CATSPERD: variants seen among roughly 807,000 people sequenced by gnomAD.
CATSPERD encodes the protein cation channel sperm-associated auxiliary subunit delta.
In CATSPERD, 86 loss-of-function variants were observed where a neutral mutation model predicts 98.1. That is an observed-to-expected ratio of 0.88 (90% CI 0.74 to 1.05). The LOEUF (loss-of-function observed/expected upper bound fraction) is 1.05. CATSPERD is among the 50% of genes least tolerant of loss of function. The probability of loss-of-function intolerance (pLI) is 0.00; values close to 1 mark genes in which losing one functional copy is unlikely to be tolerated. For missense variants in CATSPERD, 995 were observed against 1,005.7 expected, an observed-to-expected ratio of 0.99 and a Z score of 0.14; for synonymous variants, 394 against 390.2, an observed-to-expected ratio of 1.01 and a Z score of -0.12.
chr19:5,734,958 C>T (rs1429023617), intron 5 of CATSPERD, among the ~76,000 whole-genome samples: 3 of 151,762 alleles, frequency 2.0e-5, no homozygotes, highest in South Asian at 2.1e-4. Flanking sequence ...GGCTAGGGGA[C>T]GGTAGAGAAG....
In CATSPERD at chr19:5,754,248, A is replaced by T; in HGVS notation, c.1278+3A>T. ...CAGGCACATCCCTGATTCCTCTGGTAAGTACATCTTAATGTTTCTGCTATC... is the reference window on the plus strand; with the variant it reads ...CAGGCACATCCCTGATTCCTCTGGTTAGTACATCTTAATGTTTCTGCTATC... On this transcript the variant is annotated splice_donor_region_variant and intron_variant, in intron 13 of 21. Coordinates refer to ENST00000381624, the MANE Select transcript of CATSPERD (RefSeq NM_152784.4). 1 of 1,601,108 alleles carries T rather than the reference A, an allele frequency of 6.2e-7. No individual in the cohort carries two copies. The highest frequency in any genetic ancestry group is 8.6e-7 in the Non-Finnish European group (1 of 1,168,380).
intron 7 of CATSPERD, 30 bp from the exon 8 acceptor site, chr19:5,744,397 C>T: frequency 6.4e-7 from 1 of 1,551,082 alleles, no homozygotes; most frequent in Non-Finnish European, 8.9e-7. Context: ...AAGATTTATT[C>T]ATCTGAAGTC....
rs1323016391 is a variant in CATSPERD, at chr19:5,778,569, A to G, written c.2290A>G (p.Arg764Gly). Residue 764 changes from arginine (R) to glycine (G), a missense_variant, in exon 22 of 22, where the codon AGG becomes GGG. Around this residue, in one of 3 missense-constraint regions of CATSPERD, gnomAD observed 762 missense variants for 773.7 expected, o/e 0.98. Coordinates refer to ENST00000381624, the MANE Select transcript of CATSPERD (RefSeq NM_152784.4). Reference protein sequence around the residue: ...RIKKCATQLCRRCKTVCQFRA... With the variant: ...RIKKCATQLCGRCKTVCQFRA... ...CAAGAAGTGTGCGACACAGCTGTGT[A>G]GGAGATGCAAGACGGTCTGCCAGTT... 3 of 1,613,858 alleles carry G rather than the reference A, an allele frequency of 1.9e-6. No homozygotes were observed. The Admixed American group carries it at 5.0e-5, about 27-fold the overall frequency.
chr19:5,744,623 C>G (rs1176396120), intron 8 of CATSPERD, 113 bp downstream of exon 8: 2 of 628,118 alleles, frequency 3.2e-6, no homozygotes, highest in Non-Finnish European at 2.5e-6. Context: ...TTTTTTTAGA[C>G]AGAGTCTCGC....
intron 11 of CATSPERD, among the ~76,000 whole-genome samples, chr19:5,749,512 C>G (rs1204245967): frequency 6.6e-6 from 1 of 152,142 alleles, no homozygotes; most frequent in Non-Finnish European, 1.5e-5. Flanking sequence ...TGTTCACAAA[C>G]TTCTGAACCT....
intron 2 of CATSPERD, among the ~76,000 whole-genome samples, chr19:5,725,573 T>C (rs2055588594): frequency 6.6e-6 from 1 of 152,156 alleles, no homozygotes; most frequent in Non-Finnish European, 1.5e-5. Flanking sequence ...AGAAAAAATA[T>C]TCTGTCAGTT....
At chr19:5,728,358 A>G (rs953045013) in intron 3 of CATSPERD, among the ~76,000 whole-genome samples, 1 of 57,032 alleles carries the variant, frequency 1.8e-5, no homozygotes, top group Non-Finnish European at 4.3e-5. Flanking sequence ...CTCTGTCTCA[A>G]AAAAAAAAAA....
In CATSPERD at chr19:5,754,307, C is replaced by T. The variant is rs972826828; in HGVS notation, c.1278+62C>T. On this transcript the variant is annotated intron_variant, in intron 13 of 21. Transcript: ENST00000381624. Reference sequence around the variant, plus strand: ...TCAGCCACATGCCTGGTGCCCACTCCCAGATTCTGGAAATCCCCTGGCATC... The same window carrying T: ...TCAGCCACATGCCTGGTGCCCACTCTCAGATTCTGGAAATCCCCTGGCATC... 2.5e-6 allele frequency: 3 copies of T among 1,198,080 alleles called. 1 individual carries two copies. In the South Asian group the frequency reaches 3.7e-5, roughly 15 times the overall value. The allele number at this position is 1,198,080 out of a possible 1,614,324, so 74.2% of individuals were successfully genotyped here.
rs1031098233 is a variant in CATSPERD at position 5,750,100 on chromosome 19, G to A, written c.987+917G>A. Reference sequence around the variant, plus strand: ...ATTACAGTCGTGAGCCACCGCGCCCGGCCGAAACTCTGTTTCTTAAAAATA... The same window carrying A: ...ATTACAGTCGTGAGCCACCGCGCCCAGCCGAAACTCTGTTTCTTAAAAATA... On this transcript the variant is annotated intron_variant, in intron 11 of 21. Coordinates refer to ENST00000381624, the MANE Select transcript of CATSPERD (RefSeq NM_152784.4). 1.5e-4 allele frequency among the ~76,000 whole-genome samples: 21 copies of A among 143,698 alleles called. 1 individual carries two copies. Among genetic ancestry groups the A allele is most frequent in the Admixed American group, 1.3e-3 (19 of 14,508 alleles). 94.3% of individuals were successfully genotyped at this position (143,698 alleles called of 152,430 possible). A position where few individuals can be genotyped will look rare whatever the true frequency, so the allele number is the denominator to read the frequency against.
At chr19:5,737,086 C>A in intron 5 of CATSPERD, 52 bp from the exon 6 acceptor site, 1 of 1,291,294 alleles carries the variant, frequency 7.7e-7, no homozygotes, top group Non-Finnish European at 1.1e-6. Context: ...AAAAACTTTT[C>A]TCCAAACTTC....
chr19:5,767,012 A>T (rs1222656487), intron 17 of CATSPERD, among the ~76,000 whole-genome samples: 1 of 151,480 alleles, frequency 6.6e-6, no homozygotes, highest in South Asian at 2.1e-4. Flanking sequence ...TTTTAAAATA[A>T]ATTTTTTAAA....
intron 21 of CATSPERD, 40 bp downstream of exon 21, chr19:5,776,355 G>C: frequency 3.1e-6 from 5 of 1,604,978 alleles, no homozygotes; most frequent in Non-Finnish European, 3.4e-6. Context: ...GGGACGCCTG[G>C]TGCCCCTGGG....
chr19:5,763,060 G>A (rs1390278062), intron 15 of CATSPERD, among the ~76,000 whole-genome samples, 155 bp from the exon 16 acceptor site: 2 of 151,818 alleles, frequency 1.3e-5, no homozygotes, highest in Non-Finnish European at 2.9e-5. Context: ...ATGGATGAAT[G>A]GATGGATGGG....
At chr19:5,723,186 CAAA>C (rs56121351) in intron 1 of CATSPERD, among the ~76,000 whole-genome samples, 2 of 121,394 alleles carry the variant, frequency 1.6e-5, no homozygotes, top group African/African-American at 3.2e-5. Flanking sequence ...GATTCTGTCT[CAAA>C]AAAAAAAAAA....
At chr19:5,727,906 G>A (rs1461228568) in intron 3 of CATSPERD, among the ~76,000 whole-genome samples, 1 of 151,812 alleles carries the variant, frequency 6.6e-6, no homozygotes, top group Non-Finnish European at 1.5e-5. Context: ...AAAGGGGACT[G>A]GAGGCCAGGT....
chr19:5,772,924 A>G lies in CATSPERD; in HGVS notation c.1900A>G (p.Met634Val). ...CTSQPQNWTT[M>V]IKEFGGPFFW... ...CTCCCAGCCGCAGAACTGGACCACCATGATAAAGGAATTCGGGGGGCCCTT... is the reference window on the plus strand; with the variant it reads ...CTCCCAGCCGCAGAACTGGACCACCGTGATAAAGGAATTCGGGGGGCCCTT... Residue 634 changes from methionine (M) to valine (V), a missense_variant, in exon 20 of 22, where the codon ATG becomes GTG. Transcript: ENST00000381624. The G allele has an allele frequency of 4.3e-6, 7 of 1,614,100 alleles. No individual in the cohort carries two copies. The highest frequency in any genetic ancestry group is 1.6e-4 in the Middle Eastern group (1 of 6,062).
At chr19:5,727,469 A>AG in intron 3 of CATSPERD, 125 bp downstream of exon 3, 2 of 702,912 alleles carry the variant, frequency 2.8e-6, no homozygotes, top group Non-Finnish European at 4.9e-6. Flanking sequence ...GCTGGCCTGT[A>AG]GGGAGTCCAT....
intron 18 of CATSPERD, 60 bp downstream of exon 18, chr19:5,768,302 C>G: frequency 7.7e-7 from 1 of 1,301,148 alleles, no homozygotes. Context: ...CCTGCAAAAG[C>G]CAAGAGCAAA....
At chr19:5,759,016 A>G in intron 14 of CATSPERD, 70 bp from the exon 15 acceptor site, 1 of 1,406,192 alleles carries the variant, frequency 7.1e-7, no homozygotes, top group Non-Finnish European at 1.0e-6. Context: ...CATCTCTCCC[A>G]ATGTCCTGAG....
Sources: allele counts gnomAD v4.1 joint callset (sites outside exome capture counted in the v4.1 genomes callset), GRCh38; gene constraint gnomAD v4.1.1; regional missense constraint gnomAD v4.1.1; transcripts MANE v1.5; gene names NCBI Gene and HGNC (gene_info 2026-07-23, HGNC 2026-07-21).